Variants in MYO3A observed in about 807,000 individuals in gnomAD.
The protein encoded by MYO3A is myosin-IIIa.
A neutral mutation model predicts 192.7 loss-of-function variants in MYO3A; 180 were observed. That is an observed-to-expected ratio of 0.93 (90% CI 0.83 to 1.06). The LOEUF (loss-of-function observed/expected upper bound fraction) is 1.06. MYO3A is among the 50% of genes least tolerant of loss of function. The probability of loss-of-function intolerance (pLI) is 0.00; values close to 1 mark genes in which losing one functional copy is unlikely to be tolerated. For missense variants in MYO3A, 1,896 were observed against 1,905.0 expected (o/e 1.00, Z 0.09); for synonymous variants, 628 against 645.3 (o/e 0.97, Z 0.41).
chr10:26,025,628 T>C (rs534138783), intron 9 of MYO3A, among the ~76,000 whole-genome samples: 2 of 152,338 alleles, frequency 1.3e-5, no homozygotes, highest in Admixed American at 1.3e-4. Flanking sequence ...TCTAGTTCTC[T>C]TACCCCTTGT....
chr10:26,183,111 G>A (rs79002401), intron 31 of MYO3A, among the ~76,000 whole-genome samples: 14 of 152,168 alleles, frequency 9.2e-5, no homozygotes, highest in Admixed American at 2.0e-4. Flanking sequence ...ACAGTCCAGA[G>A]GGTGTATCTG....
At chr10:26,208,134 C>A (rs567548935) in intron 34 of MYO3A, among the ~76,000 whole-genome samples, 3 of 151,966 alleles carry the variant, frequency 2.0e-5, no homozygotes, top group Non-Finnish European at 4.4e-5. Flanking sequence ...TAGAGAATGG[C>A]ACTAGAGGAA....
At chr10:26,060,498 G>A (rs1834399170) in intron 10 of MYO3A, among the ~76,000 whole-genome samples, 1 of 151,834 alleles carries the variant, frequency 6.6e-6, no homozygotes, top group Non-Finnish European at 1.5e-5. Flanking sequence ...AAAAGACAGT[G>A]ATACAAGAAT....
At chr10:26,112,332 C>T (rs1838239930) in intron 17 of MYO3A, among the ~76,000 whole-genome samples, 1 of 152,138 alleles carries the variant, frequency 6.6e-6, no homozygotes, top group Admixed American at 6.5e-5. Context: ...GGTGGCCTCC[C>T]ATCTAACAGC....
intron 14 of MYO3A, among the ~76,000 whole-genome samples, chr10:26,083,779 A>T (rs542488224): frequency 3.9e-5 from 6 of 152,336 alleles, no homozygotes; most frequent in Non-Finnish European, 8.8e-5. Context: ...GAAAAATATT[A>T]AAAAATGTGT....
chr10:26,120,846 CTTATGACA>C (rs779404830), intron 18 of MYO3A, 44 bp downstream of exon 18: 1 of 1,606,498 alleles, frequency 6.2e-7, no homozygotes, highest in Non-Finnish European at 8.5e-7. Context: ...TCTTTCAAAT[CTTATGACA>C]TACCATAAGT....
At chr10:25,991,141 T>C (rs1479471078) in intron 4 of MYO3A, among the ~76,000 whole-genome samples, 1 of 152,182 alleles carries the variant, frequency 6.6e-6, no homozygotes, top group Non-Finnish European at 1.5e-5. Context: ...AGTGTAAAAG[T>C]GTTCCTATTT....
In MYO3A at chr10:26,195,885, C is replaced by T. The variant is rs76357162; in HGVS notation, c.4545+2574C>T. Among the ~76,000 whole-genome samples, 1,289 of 152,330 alleles carry T rather than the reference C, an allele frequency of 8.5e-3. 16 individuals carry two copies. Among genetic ancestry groups the T allele is most frequent in the African/African-American group, 0.029 (1,204 of 41,578 alleles). Reference sequence around the variant, plus strand: ...TCATGCTAAAGAGGGATTGGTGTGGCTTCCACGAGGTCAAGGAGTTTGCCT... The same window carrying T: ...TCATGCTAAAGAGGGATTGGTGTGGTTTCCACGAGGTCAAGGAGTTTGCCT... On this transcript the variant is annotated intron_variant, in intron 32 of 34. Coordinates refer to ENST00000642920, the MANE Select transcript of MYO3A (RefSeq NM_017433.5).
intron 14 of MYO3A, among the ~76,000 whole-genome samples, chr10:26,075,251 A>AT (rs1325897006): frequency 9.3e-5 from 14 of 150,772 alleles, no homozygotes; most frequent in Non-Finnish European, 1.8e-4. Context: ...AAATTTTTGG[A>AT]TTTTTTCTTT....
intron 4 of MYO3A, among the ~76,000 whole-genome samples, chr10:25,995,418 C>T (rs927782469): frequency 1.3e-5 from 2 of 152,104 alleles, no homozygotes; most frequent in Admixed American, 1.3e-4. Flanking sequence ...AATCTTTTTT[C>T]AAGGTTTTTA....
At chr10:26,016,703 A>C (rs1842001844) in intron 6 of MYO3A, 117 bp from the exon 7 acceptor site, 3 of 933,394 alleles carry the variant, frequency 3.2e-6, no homozygotes, top group Admixed American at 3.9e-5. Flanking sequence ...CACTAGGTCC[A>C]CTGGCAGGTT....
chr10:26,091,907 C>T (rs578201941), intron 15 of MYO3A, among the ~76,000 whole-genome samples: 2 of 152,310 alleles, frequency 1.3e-5, no homozygotes, highest in East Asian at 3.9e-4. Flanking sequence ...GTGTGCTAGG[C>T]ACAGGAGACA....
At chr10:26,183,711 G>A (rs1298381308) in intron 31 of MYO3A, among the ~76,000 whole-genome samples, 2 of 152,106 alleles carry the variant, frequency 1.3e-5, no homozygotes, top group Non-Finnish European at 2.9e-5. Flanking sequence ...GAAAGGCCAC[G>A]GGAGTGGTTG....
In MYO3A at chr10:26,138,597, A is replaced by G. The variant is rs144460740; in HGVS notation, c.2263-4851A>G. On this transcript the variant is annotated intron_variant, in intron 20 of 34. Transcript: ENST00000642920. ...AGCTTGGGGCTTACATTTTTCTTCAAAATGACTCATATTATTGAAAGGCAA... is the reference window on the plus strand; with the variant it reads ...AGCTTGGGGCTTACATTTTTCTTCAGAATGACTCATATTATTGAAAGGCAA... Among the ~76,000 whole-genome samples the G allele has an allele frequency of 1.3e-4, 20 of 152,336 alleles. No individual in the cohort carries two copies. In the East Asian group the frequency reaches 3.7e-3, roughly 28 times the overall value.
intron 23 of MYO3A, among the ~76,000 whole-genome samples, chr10:26,151,769 A>C (rs934163601): frequency 6.6e-6 from 1 of 152,048 alleles, no homozygotes; most frequent in Admixed American, 6.5e-5. Flanking sequence ...GAGTTCCCTC[A>C]CTCGCTGCAT....
chr10:25,957,094 A>G (rs1011479565), intron 4 of MYO3A, among the ~76,000 whole-genome samples: 1 of 152,146 alleles, frequency 6.6e-6, no homozygotes, highest in African/African-American at 2.4e-5. Context: ...GTATTTCACA[A>G]TGTATATGTA....
chr10:25,993,246 A>G (rs917098783), intron 4 of MYO3A, among the ~76,000 whole-genome samples: 7 of 152,106 alleles, frequency 4.6e-5, no homozygotes, highest in African/African-American at 1.4e-4. Context: ...GGGAGGGTGT[A>G]TGTGTCCAGG....
chr10:26,170,417 T>C lies in MYO3A; in HGVS notation c.3276T>C (p.Ala1092=). The C allele has an allele frequency of 5.0e-6, 8 of 1,613,336 alleles. No homozygotes were observed. The highest frequency in any genetic ancestry group is 6.8e-6 in the Non-Finnish European group (8 of 1,179,538). The change falls in exon 29 of 35, where the codon GCT becomes GCC. Residue 1092 remains alanine (A), a splice_region_variant and synonymous_variant. Transcript: ENST00000642920. ...RKESAIIIQS[A]ARGHLVRKQR... The stretch of plus-strand genomic sequence containing the variant: ...TACTATGGGCTTTCTGTGTTTCAGC[T>C]GCAAGAGGACACCTTGTCAGGAAAC...
At chr10:26,162,743 A>C (rs1356696886) in intron 26 of MYO3A, among the ~76,000 whole-genome samples, 1 of 152,218 alleles carries the variant, frequency 6.6e-6, no homozygotes, top group Non-Finnish European at 1.5e-5. Context: ...CAACTGGCAT[A>C]AACAGGTTTG....
Sources: gnomAD v4.1 joint callset for allele counts (sites outside exome capture counted in the v4.1 genomes callset) on GRCh38, gnomAD v4.1.1 for gene constraint, MANE v1.5 for transcripts, NCBI Gene and HGNC (gene_info 2026-07-23, HGNC 2026-07-21) for gene names.